Variants in ME1 observed in about 807,000 individuals in gnomAD.
ME1 encodes malic enzyme 1.
In ME1, 74 loss-of-function variants were observed where a neutral mutation model predicts 66.4. The ratio of observed to expected loss-of-function variants is 1.11; its 90% CI spans 0.92 to 1.35. The LOEUF (loss-of-function observed/expected upper bound fraction) is 1.35, where lower values mean the gene tolerates loss of function less well. Ranked by LOEUF, ME1 falls within the 40% of genes most tolerant of loss-of-function variation. The probability of loss-of-function intolerance (pLI) is 0.00; values close to 1 mark genes in which losing one functional copy is unlikely to be tolerated. For missense variants in ME1, 750 were observed against 694.1 expected, an observed-to-expected ratio of 1.08 and a Z score of -0.90; for synonymous variants, 251 against 235.6, an observed-to-expected ratio of 1.07 and a Z score of -0.60.
chr6:83,343,354 C>A (rs1389990860), intron 5 of ME1, among the ~76,000 whole-genome samples: 1 of 152,100 alleles, frequency 6.6e-6, no homozygotes, highest in Admixed American at 6.6e-5. Flanking sequence ...CTACCAAATG[C>A]AATTTGAGGA....
chr6:83,399,816 A>G (rs1041300502), intron 2 of ME1, among the ~76,000 whole-genome samples: 2 of 152,256 alleles, frequency 1.3e-5, no homozygotes, highest in African/African-American at 4.8e-5. Context: ...GAAAATGCAC[A>G]GAATTCTGAG....
At chr6:83,368,840 T>C (rs1769145390) in intron 3 of ME1, among the ~76,000 whole-genome samples, 1 of 152,130 alleles carries the variant, frequency 6.6e-6, no homozygotes, top group African/African-American at 2.4e-5. Context: ...ACCTAGAATA[T>C]TCAGTAAGCT....
At chr6:83,291,725 G>T (rs570288418) in intron 6 of ME1, among the ~76,000 whole-genome samples, 1 of 152,162 alleles carries the variant, frequency 6.6e-6, no homozygotes, top group Non-Finnish European at 1.5e-5. Context: ...TTCTAACTTG[G>T]TTCCATTCTC....
chr6:83,228,793 G>T, intron 10 of ME1, 33 bp downstream of exon 10: 1 of 1,378,402 alleles, frequency 7.3e-7, no homozygotes, highest in Non-Finnish European at 1.0e-6. Context: ...CAAAATAAGG[G>T]GTAGGGGAGA....
intron 5 of ME1, among the ~76,000 whole-genome samples, chr6:83,320,163 C>G (rs906850710): frequency 1.3e-5 from 2 of 152,168 alleles, no homozygotes; most frequent in African/African-American, 4.8e-5. Context: ...CCTAGCCATT[C>G]CAGTCCAAAC....
intron 6 of ME1, among the ~76,000 whole-genome samples, chr6:83,298,748 T>C (rs535152446): frequency 6.6e-6 from 1 of 152,066 alleles, no homozygotes; most frequent in East Asian, 1.9e-4. Flanking sequence ...TTGTATAATG[T>C]GTAAGGAAGG....
At chr6:83,332,603 C>A (rs1768435933) in intron 5 of ME1, among the ~76,000 whole-genome samples, 1 of 152,156 alleles carries the variant, frequency 6.6e-6, no homozygotes, top group Non-Finnish European at 1.5e-5. Context: ...ATGTCCTTTG[C>A]AGCCACTTGG....
chr6:83,242,353 G>T (rs1272915092), intron 7 of ME1, among the ~76,000 whole-genome samples: 2 of 152,082 alleles, frequency 1.3e-5, no homozygotes, highest in Non-Finnish European at 2.9e-5. Context: ...GTTAAATCTG[G>T]TTAAAATTAC....
chr6:83,269,148 C>A (rs901988243), intron 6 of ME1, among the ~76,000 whole-genome samples: 1 of 152,016 alleles, frequency 6.6e-6, no homozygotes, highest in African/African-American at 2.4e-5. Flanking sequence ...AGTATGATCC[C>A]AAATGAAATA....
Position 83,259,119 on chromosome 6 carries a change from T to C in ME1, c.705-5381A>G, listed in dbSNP as rs192758417. Reference sequence around the variant, plus strand: ...GCATGTTTTAATTTTTCCTGAGATATAGTAAAATGTTTTTATAGGATTTAT... The same window carrying C: ...GCATGTTTTAATTTTTCCTGAGATACAGTAAAATGTTTTTATAGGATTTAT... On this transcript the variant is annotated intron_variant, in intron 6 of 13. Transcript: ENST00000369705. Among the ~76,000 whole-genome samples the C allele has an allele frequency of 1.2e-4, 19 of 152,296 alleles. No individual in the cohort carries two copies. In the East Asian group the frequency reaches 3.1e-3, roughly 25 times the overall value.
chr6:83,231,676 C>T (rs532685963), intron 9 of ME1, among the ~76,000 whole-genome samples: 1 of 152,280 alleles, frequency 6.6e-6, no homozygotes, highest in African/African-American at 2.4e-5. Context: ...AATACATATT[C>T]GTTATGCCAA....
chr6:83,319,739 G>A (rs1768116533), intron 5 of ME1, among the ~76,000 whole-genome samples: 1 of 152,114 alleles, frequency 6.6e-6, no homozygotes, highest in African/African-American at 2.4e-5. Flanking sequence ...AACTTAATGG[G>A]CCCTATTCAA....
intron 3 of ME1, among the ~76,000 whole-genome samples, chr6:83,362,715 C>T (rs1769026981): frequency 6.6e-6 from 1 of 152,202 alleles, no homozygotes; most frequent in Non-Finnish European, 1.5e-5. Context: ...GGTTTGTCCT[C>T]ACTGGAATAG....
At chr6:83,315,107 C>G (rs1432203056) in intron 6 of ME1, among the ~76,000 whole-genome samples, 1 of 152,000 alleles carries the variant, frequency 6.6e-6, no homozygotes, top group Non-Finnish European at 1.5e-5. Flanking sequence ...TATTCAGGGA[C>G]AGCAACAGAA....
In ME1 at chr6:83,227,338, G is replaced by A; in HGVS notation, c.1272C>T (p.Thr424=). The A allele has an allele frequency of 6.6e-7, 1 of 1,525,366 alleles. No individual in the cohort carries two copies. The highest frequency in any genetic ancestry group is 8.9e-7 in the Non-Finnish European group (1 of 1,128,608). The allele number at this position is 1,525,366 out of a possible 1,614,324, so 94.5% of individuals were successfully genotyped here. The change falls in exon 11 of 14, where the codon ACC becomes ACT. Residue 424 remains threonine, a synonymous_variant. Coordinates refer to ENST00000369705, the MANE Select transcript of ME1 (RefSeq NM_002395.6). ...ECSAEQCYKI[T]KGRAIFASGS... ...ATCTGTTATAGTTTTACTTTACCTT[G>A]GTTATTTTGTAGCACTGCTCTGCAG...
intron 7 of ME1, among the ~76,000 whole-genome samples, chr6:83,248,601 T>G (rs1043128745): frequency 1.2e-4 from 18 of 152,074 alleles, no homozygotes; most frequent in African/African-American, 4.3e-4. Context: ...AATTGGATCA[T>G]GGGGGCGGTT....
intron 7 of ME1, among the ~76,000 whole-genome samples, chr6:83,243,096 C>G (rs549410781): frequency 1.1e-3 from 165 of 150,774 alleles, no homozygotes; most frequent in African/African-American, 3.9e-3. Context: ...ATCTCTACCC[C>G]CCAAAAATTT....
At chr6:83,219,085 G>C (rs1790041961) in intron 12 of ME1, among the ~76,000 whole-genome samples, 1 of 152,188 alleles carries the variant, frequency 6.6e-6, no homozygotes, top group African/African-American at 2.4e-5. Flanking sequence ...ATGGCACTAA[G>C]AGAAACAAGA....
chr6:83,333,592 A>G (rs1351874807), intron 5 of ME1, among the ~76,000 whole-genome samples: 1 of 152,228 alleles, frequency 6.6e-6, no homozygotes, highest in Non-Finnish European at 1.5e-5. Context: ...AGGTTACAAT[A>G]TTACTAACAT....
Sources: allele counts gnomAD v4.1 joint callset (sites outside exome capture counted in the v4.1 genomes callset), GRCh38; gene constraint gnomAD v4.1.1; transcripts MANE v1.5; gene names NCBI Gene and HGNC (gene_info 2026-07-23, HGNC 2026-07-21).